PBX1: variants seen among roughly 807,000 people sequenced by gnomAD.
PBX1 encodes the protein PBX homeobox 1, also known as pre-B-cell leukemia transcription factor 1.
A neutral mutation model predicts 53.4 loss-of-function variants in PBX1; 6 were observed. The ratio of observed to expected loss-of-function variants is 0.11; its 90% confidence interval spans 0.06 to 0.22. The LOEUF (loss-of-function observed/expected upper bound fraction) is 0.22. PBX1 is among the 10% of genes least tolerant of loss of function. PBX1 has a pLI of 1.00. For missense variants in PBX1, 251 were observed against 551.4 expected, an observed-to-expected ratio of 0.46 and a Z score of 5.46; for synonymous variants, 204 against 212.3, an observed-to-expected ratio of 0.96 and a Z score of 0.34.
At chr1:164,714,261 A>G (rs1303058502) in intron 2 of PBX1, among the ~76,000 whole-genome samples, 3 of 152,246 alleles carry the variant, frequency 2.0e-5, no homozygotes, top group Non-Finnish European at 4.4e-5. Context: ...CAAAGCCGGT[A>G]GGGATCTTAC....
At chr1:164,884,840 A>T (rs959361457) in intron 2 of PBX1, among the ~76,000 whole-genome samples, 2 of 152,210 alleles carry the variant, frequency 1.3e-5, no homozygotes, top group Non-Finnish European at 2.9e-5. Context: ...AATCACTTTT[A>T]AGCATTTACT....
intron 2 of PBX1, among the ~76,000 whole-genome samples, chr1:164,716,172 A>G (rs1664069556): frequency 6.6e-6 from 1 of 152,332 alleles, no homozygotes; most frequent in Middle Eastern, 3.4e-3. Context: ...GTGACTGCCA[A>G]GTAGTGTTTT....
chr1:164,684,134 A>T (rs1344610991), intron 2 of PBX1: 1 of 152,112 alleles, frequency 6.6e-6, no homozygotes, highest in East Asian at 1.9e-4. Flanking sequence ...TATTCTAAAG[A>T]TTTCTTTCCT....
intron 2 of PBX1, among the ~76,000 whole-genome samples, chr1:164,677,774 C>G (rs1339463873): frequency 6.6e-6 from 1 of 151,910 alleles, no homozygotes; most frequent in Non-Finnish European, 1.5e-5. Context: ...ACTAAGGAAG[C>G]ACGGAAGTAC....
At chr1:164,615,305 G>T (rs79110750) in intron 2 of PBX1, among the ~76,000 whole-genome samples, 1 of 152,032 alleles carries the variant, frequency 6.6e-6, no homozygotes, top group Non-Finnish European at 1.5e-5. Context: ...ATTTCTACTT[G>T]TTGAAATAAC....
At chr1:164,561,750 T>G (rs1653063877) in intron 1 of PBX1, among the ~76,000 whole-genome samples, 1 of 152,122 alleles carries the variant, frequency 6.6e-6, no homozygotes, top group Non-Finnish European at 1.5e-5. Flanking sequence ...CAGAGAGAGA[T>G]CAGATACAAT....
Position 164,559,947 on chromosome 1 carries a change from A to G in PBX1, c.125A>G (p.Asp42Gly). 5 of 1,543,602 alleles carry G rather than the reference A, an allele frequency of 3.2e-6. No individual in the cohort carries two copies. The highest frequency in any genetic ancestry group is 4.4e-6 in the Non-Finnish European group (5 of 1,142,694). The part of the protein sequence containing the change: ...GTEGEGGRKQ[D>G]IGDILQQIMT... ...GAGGGGGAGGGCGGGAGGAAGCAGGACATTGGAGACATTTTACAGCAAATT... is the reference window on the plus strand; with the variant it reads ...GAGGGGGAGGGCGGGAGGAAGCAGGGCATTGGAGACATTTTACAGCAAATT... Residue 42 changes from aspartate (D) to glycine (G), a missense_variant, in exon 1 of 9, where the codon GAC becomes GGC. By Grantham distance (94) the Asp-to-Gly change is moderately conservative. This residue lies in a region of PBX1 where 63 missense variants were observed against 78.7 expected (regional missense o/e 0.80). Coordinates refer to ENST00000420696, the MANE Select transcript of PBX1 (RefSeq NM_002585.4).
intron 2 of PBX1, among the ~76,000 whole-genome samples, chr1:164,776,482 C>T (rs953808506): frequency 1.3e-5 from 2 of 152,174 alleles, no homozygotes; most frequent in Admixed American, 6.5e-5. Flanking sequence ...AGTGTTATCT[C>T]CCTCTTTTCT....
chr1:164,626,061 ACC>A (rs1658016820), intron 2 of PBX1: 3 of 1,036,240 alleles, frequency 2.9e-6, no homozygotes, highest in East Asian at 5.8e-5. Flanking sequence ...CAGCCCACAC[ACC>A]ACCACCCCAG....
intron 2 of PBX1, among the ~76,000 whole-genome samples, chr1:164,779,820 A>G (rs905704631): frequency 6.6e-6 from 1 of 152,054 alleles, no homozygotes; most frequent in African/African-American, 2.4e-5. Flanking sequence ...ATGTCTGGCC[A>G]GTGAAACAGG....
chr1:164,752,241 T>TGTGTGTGC (rs1666276427), intron 2 of PBX1, among the ~76,000 whole-genome samples: 1 of 144,666 alleles, frequency 6.9e-6, no homozygotes, highest in Non-Finnish European at 1.5e-5. Context: ...TGTGTGTGTG[T>TGTGTGTGC]GTGTGCCCTC....
At chr1:164,686,834 G>A (rs1193235706) in intron 2 of PBX1, among the ~76,000 whole-genome samples, 2 of 152,004 alleles carry the variant, frequency 1.3e-5, no homozygotes. Context: ...GCGGGCGCCT[G>A]TAGTCCCAGC....
At chr1:164,623,896 A>T (rs1657862676) in intron 2 of PBX1, among the ~76,000 whole-genome samples, 1 of 152,210 alleles carries the variant, frequency 6.6e-6, no homozygotes, top group African/African-American at 2.4e-5. Flanking sequence ...CTGTGACAAC[A>T]AGTTGTGAAA....
At chr1:164,753,744 A>G (rs1321024498) in intron 2 of PBX1, among the ~76,000 whole-genome samples, 1 of 152,138 alleles carries the variant, frequency 6.6e-6, no homozygotes, top group African/African-American at 2.4e-5. Flanking sequence ...TAATTGTGTC[A>G]TGGATTGCTC....
At chr1:164,742,711 C>T (rs1433802662) in intron 2 of PBX1, among the ~76,000 whole-genome samples, 1 of 152,170 alleles carries the variant, frequency 6.6e-6, no homozygotes, top group Non-Finnish European at 1.5e-5. Context: ...ATAACCTTGT[C>T]CTAACCTCCC....
intron 2 of PBX1, among the ~76,000 whole-genome samples, chr1:164,627,329 C>T (rs1231637746): frequency 6.6e-6 from 1 of 152,094 alleles, no homozygotes; most frequent in Non-Finnish European, 1.5e-5. Flanking sequence ...AAATGGAAGC[C>T]ATTGAACTTC....
intron 2 of PBX1, among the ~76,000 whole-genome samples, chr1:164,875,257 T>C (rs1400286754): frequency 1.3e-5 from 2 of 152,172 alleles, no homozygotes; most frequent in African/African-American, 2.4e-5. Flanking sequence ...CAAACAGGGA[T>C]ACAGACATAA....
intron 2 of PBX1, among the ~76,000 whole-genome samples, chr1:164,772,095 C>T (rs778731553): frequency 2.0e-5 from 3 of 152,176 alleles, no homozygotes; most frequent in African/African-American, 7.2e-5. Flanking sequence ...TAGCTTTTAT[C>T]CAAAGATCTG....
rs529671277 is a variant in PBX1, at chr1:164,598,560, T to TTA, written c.265+35249_265+35250insTA. On this transcript the variant is annotated intron_variant, in intron 2 of 8. Coordinates refer to ENST00000420696, the MANE Select transcript of PBX1 (RefSeq NM_002585.4). The stretch of plus-strand genomic sequence containing the variant: ...AATTCCCAGAGTTCTCTGAGGAACA[T>TTA]ACTAGTGTTTGTTGATTTTCTGTTG... 1.5e-3 allele frequency among the ~76,000 whole-genome samples: 236 copies of TTA among 152,336 alleles called. 2 individuals are homozygous for TTA. Among genetic ancestry groups the TTA allele is most frequent in the African/African-American group, 5.3e-3 (222 of 41,578 alleles).
Sources: gnomAD v4.1 joint callset for allele counts (sites outside exome capture counted in the v4.1 genomes callset) on GRCh38, gnomAD v4.1.1 for gene constraint, gnomAD v4.1.1 regional missense constraint, MANE v1.5 for transcripts, NCBI Gene and HGNC (gene_info 2026-07-23, HGNC 2026-07-21) for gene names.